Variants in NEBL observed in about 807,000 individuals in gnomAD.
NEBL encodes nebulette.
A neutral mutation model predicts 140.2 loss-of-function variants in NEBL; 122 were observed. The ratio of observed to expected loss-of-function variants is 0.87; its 90% CI spans 0.75 to 1.01. The LOEUF is 1.01. Among genes scored for constraint, NEBL ranks in the 50% least tolerant of loss-of-function variants. The probability of loss-of-function intolerance (pLI) is 0.00; values close to 1 mark genes in which losing one functional copy is unlikely to be tolerated. For synonymous variants in NEBL, 436 were observed against 398.9 expected, an observed-to-expected ratio of 1.09 and a Z score of -1.11; for missense variants, 1,365 against 1,231.3, an observed-to-expected ratio of 1.11 and a Z score of -1.62.
chr10:20,955,523 C>T (rs543072823), intron 4 of NEBL, among the ~76,000 whole-genome samples: 2 of 152,104 alleles, frequency 1.3e-5, no homozygotes, highest in Non-Finnish European at 2.9e-5. Flanking sequence ...TAAAAGAAAT[C>T]GAAGAACAGA....
intron 1 of NEBL, among the ~76,000 whole-genome samples, chr10:21,274,114 G>T (rs963365539): frequency 9.2e-5 from 14 of 152,150 alleles, no homozygotes; most frequent in African/African-American, 3.4e-4. Context: ...TTCTTGCTTT[G>T]AAAGCAAGGT....
chr10:21,174,081 G>C (rs1395204950), exon 1 of NEBL: 2 of 1,048,470 alleles, frequency 1.9e-6, no homozygotes, highest in East Asian at 1.3e-4. Context: ...GCTCCGCGCC[G>C]CTGGCTCTGC....
chr10:20,906,253 A>T (rs1354543554), intron 4 of NEBL, among the ~76,000 whole-genome samples: 2 of 152,166 alleles, frequency 1.3e-5, no homozygotes, highest in Admixed American at 6.5e-5. Flanking sequence ...TTTACTAAAC[A>T]AGTGATGTCA....
chr10:20,913,934 T>A (rs1480150152), intron 4 of NEBL, among the ~76,000 whole-genome samples: 2 of 152,206 alleles, frequency 1.3e-5, no homozygotes, highest in African/African-American at 2.4e-5. Context: ...AATATACATA[T>A]TTTGGAAACG....
intron 3 of NEBL, among the ~76,000 whole-genome samples, chr10:21,217,466 G>A (rs1487593814): frequency 6.7e-6 from 1 of 149,060 alleles, no homozygotes; most frequent in Non-Finnish European, 1.5e-5. Flanking sequence ...CCCAAATATT[G>A]CCAGGTGGCC....
intron 3 of NEBL, among the ~76,000 whole-genome samples, chr10:20,987,350 A>G (rs953696994): frequency 6.6e-6 from 1 of 151,862 alleles, no homozygotes; most frequent in African/African-American, 2.4e-5. Flanking sequence ...GCCTTTGTTC[A>G]TCTCTCCTCC....
At chr10:20,885,634 G>C (rs1230940321) in intron 4 of NEBL, among the ~76,000 whole-genome samples, 1 of 152,212 alleles carries the variant, frequency 6.6e-6, no homozygotes, top group East Asian at 1.9e-4. Context: ...GTTGAGAGCT[G>C]TTGTGTGCTT....
intron 2 of NEBL, among the ~76,000 whole-genome samples, chr10:21,146,127 A>G (rs1235113213): frequency 6.6e-6 from 1 of 152,186 alleles, no homozygotes; most frequent in Non-Finnish European, 1.5e-5. Flanking sequence ...CCAAAAGAAA[A>G]AGAAACTGTG....
At chr10:21,033,873 A>C (rs1321912947) in intron 2 of NEBL, among the ~76,000 whole-genome samples, 5 of 152,100 alleles carry the variant, frequency 3.3e-5, no homozygotes, top group African/African-American at 1.2e-4. Context: ...TTATTTCTTT[A>C]AAAAACACCA....
intron 3 of NEBL, among the ~76,000 whole-genome samples, chr10:21,193,020 G>A (rs1474946212): frequency 6.6e-6 from 1 of 152,166 alleles, no homozygotes; most frequent in Non-Finnish European, 1.5e-5. Context: ...GATGTTGAAT[G>A]TTCAGCGATA....
intron 2 of NEBL, among the ~76,000 whole-genome samples, chr10:21,064,223 A>AC (rs1030542667): frequency 6.6e-6 from 1 of 152,004 alleles, no homozygotes; most frequent in African/African-American, 2.4e-5. Context: ...ACGTCAAAAA[A>AC]ATTGAATTCA....
chr10:20,988,752 G>T (rs1298415216), intron 3 of NEBL, among the ~76,000 whole-genome samples: 1 of 152,160 alleles, frequency 6.6e-6, no homozygotes, highest in Non-Finnish European at 1.5e-5. Flanking sequence ...TGAGCACACT[G>T]CAAGCAGATG....
At chr10:21,213,770 T>G (rs1841950346) in intron 3 of NEBL, among the ~76,000 whole-genome samples, 1 of 152,268 alleles carries the variant, frequency 6.6e-6, no homozygotes, top group Admixed American at 6.5e-5. Flanking sequence ...AATAAATTAT[T>G]CTATTTTTAC....
At chr10:21,167,817 C>T (rs534843126) in intron 2 of NEBL, among the ~76,000 whole-genome samples, 15 of 152,154 alleles carry the variant, frequency 9.9e-5, no homozygotes, top group Non-Finnish European at 1.5e-4. Context: ...CTCGGCACCT[C>T]TTAGTGATAA....
rs1837546520 is a variant in NEBL, at chr10:21,103,005, G to A, written c.164+69378C>T. On this transcript the variant is annotated intron_variant, in intron 2 of 6. Transcript: ENST00000417816. ...ACCCCACTTCCAGACAGGCCCCAGTGCATATTGTTCCCCTCCTTGTGTCCA... is the reference window on the plus strand; with the variant it reads ...ACCCCACTTCCAGACAGGCCCCAGTACATATTGTTCCCCTCCTTGTGTCCA... Among the ~76,000 whole-genome samples the A allele has an allele frequency of 2.5e-5, 3 of 122,144 alleles. No individual in the cohort carries two copies. The South Asian group carries it at 8.1e-4, about 33-fold the overall frequency. 80.1% of individuals were successfully genotyped at this position (122,144 alleles called of 152,430 possible). A position where few individuals can be genotyped will look rare whatever the true frequency, so the allele number is the denominator to read the frequency against.
intron 4 of NEBL, among the ~76,000 whole-genome samples, chr10:20,904,878 C>T (rs908517704): frequency 1.3e-5 from 2 of 152,224 alleles, no homozygotes; most frequent in Non-Finnish European, 2.9e-5. Context: ...CTTGATCACT[C>T]TTGGCAATTC....
chr10:20,791,964 A>C (rs1836029394), intron 26 of NEBL, among the ~76,000 whole-genome samples: 1 of 152,154 alleles, frequency 6.6e-6, no homozygotes, highest in South Asian at 2.1e-4. Flanking sequence ...TTTACAGAAC[A>C]AAATACAACA....
At chr10:21,048,841 C>T (rs915240508) in intron 2 of NEBL, among the ~76,000 whole-genome samples, 24 of 151,908 alleles carry the variant, frequency 1.6e-4, no homozygotes, top group African/African-American at 5.6e-4. Context: ...ACTAAAAATA[C>T]AAAAAATAAA....
intron 3 of NEBL, among the ~76,000 whole-genome samples, 196 bp from the exon 4 acceptor site, chr10:20,888,403 G>C (rs752692323): frequency 1.3e-5 from 2 of 152,164 alleles, no homozygotes; most frequent in African/African-American, 2.4e-5. Flanking sequence ...ATTTATCATA[G>C]AGAACGCTTT....
Sources: gnomAD v4.1 joint callset for allele counts (sites outside exome capture counted in the v4.1 genomes callset) on GRCh38, gnomAD v4.1.1 for gene constraint, MANE v1.5 for transcripts, NCBI Gene and HGNC (gene_info 2026-07-23, HGNC 2026-07-21) for gene names.